Variants in PLB1 observed in about 807,000 individuals in gnomAD.
PLB1 encodes phospholipase B1.
In PLB1, 242 loss-of-function variants were observed where a neutral mutation model predicts 227.4. The observed-to-expected ratio is 1.06, with a 90% CI of 0.96 to 1.18. PLB1 has a LOEUF of 1.18. Among genes scored for constraint, PLB1 ranks in the 50% most tolerant of loss-of-function variants. PLB1 has a pLI of 0.00. For synonymous variants in PLB1, 757 were observed against 682.2 expected (o/e 1.11, Z -1.71); for missense variants, 1,858 against 1,816.3 (o/e 1.02, Z -0.42).
intron 33 of PLB1, chr2:28,595,021 G>A (rs1052780342): frequency 1.3e-5 from 2 of 152,182 alleles, no homozygotes; most frequent in Admixed American, 6.5e-5. Flanking sequence ...CCACATTGCA[G>A]GTGATAGATA....
chr2:28,583,440 T>C (rs556559830), intron 25 of PLB1, among the ~76,000 whole-genome samples: 22 of 149,070 alleles, frequency 1.5e-4, no homozygotes, highest in African/African-American at 5.5e-4. Context: ...CTCCTCGGCC[T>C]CCCAAAGTGC....
intron 32 of PLB1, 177 bp downstream of exon 32, chr2:28,592,896 T>C: frequency 1.7e-6 from 1 of 600,584 alleles, no homozygotes; most frequent in Non-Finnish European, 2.9e-6. Flanking sequence ...CAAACGGATA[T>C]GCAGAGGAAA....
rs1337296521 is a variant in PLB1 at position 28,625,074 on chromosome 2, C to T, written c.3545C>T (p.Ala1182Val). The T allele has an allele frequency of 6.2e-7, 1 of 1,613,802 alleles. No individual in the cohort carries two copies. The highest frequency in any genetic ancestry group is 1.1e-5 in the South Asian group (1 of 91,010). ...GARARDMPAQ[A>V]WDLVERMKNS... Reference sequence around the variant, plus strand: ...CCACCTAGGGACATGCCAGCCCAGGCCTGGGACCTGGTAGAGCGAATGAAA... The same window carrying T: ...CCACCTAGGGACATGCCAGCCCAGGTCTGGGACCTGGTAGAGCGAATGAAA... The change falls in exon 50 of 58, where the codon GCC becomes GTC. Residue 1182 changes from alanine to valine, a missense_variant. By Grantham distance (64) the Ala-to-Val change is moderately conservative (BLOSUM62 0). Transcript: ENST00000327757.
rs1048175353 is a variant in PLB1 at position 28,582,491 on chromosome 2, A to G, written c.1719A>G (p.Pro573=). ...ELYQEKKVYC[P]RMILRSLCPC... is the part of the protein sequence containing the mutation. ...ACCAGGAGAAAAAAGTCTACTGCCCAAGGATGATCCTCAGGTCAGACAGAT... is the reference window on the plus strand; with the variant it reads ...ACCAGGAGAAAAAAGTCTACTGCCCGAGGATGATCCTCAGGTCAGACAGAT... The change falls in exon 25 of 58, where the codon CCA becomes CCG. Residue 573 remains proline (P), a synonymous_variant. Transcript: ENST00000327757. The G allele has an allele frequency of 1.2e-6, 2 of 1,607,960 alleles. No homozygotes were observed. The highest frequency in any genetic ancestry group is 1.7e-6 in the Non-Finnish European group (2 of 1,176,588).
At chr2:28,529,687 A>C (rs1670753507) in intron 7 of PLB1, 41 bp from the exon 8 acceptor site, 1 of 1,598,430 alleles carries the variant, frequency 6.3e-7, no homozygotes, top group African/African-American at 1.3e-5. Flanking sequence ...TAACAAAATA[A>C]TATTTAGCCA....
chr2:28,631,489 C>T (rs1363604505), intron 54 of PLB1, among the ~76,000 whole-genome samples: 2 of 152,186 alleles, frequency 1.3e-5, no homozygotes, highest in East Asian at 3.8e-4. Context: ...CTCATTTTTC[C>T]AGATGGATGA....
At chr2:28,510,912 G>A (rs1175229922) in intron 1 of PLB1, among the ~76,000 whole-genome samples, 1 of 151,988 alleles carries the variant, frequency 6.6e-6, no homozygotes, top group East Asian at 1.9e-4. Context: ...ACAAGCATGA[G>A]CCACTGTGCC....
At chr2:28,612,198 G>A (rs1685550172) in intron 43 of PLB1, among the ~76,000 whole-genome samples, 1 of 152,206 alleles carries the variant, frequency 6.6e-6, no homozygotes, top group Non-Finnish European at 1.5e-5. Context: ...AGACAGGAAT[G>A]CTGAGACCAG....
At position 28,529,767 on chromosome 2, in the gene PLB1, GAAAGA is replaced by G. The variant is rs1440426971; in HGVS notation, c.457_461del (p.Lys153GlufsTer5). On this transcript the variant is annotated frameshift_variant, in exon 8 of 58. Coordinates refer to ENST00000327757, the MANE Select transcript of PLB1 (RefSeq NM_153021.5). LOFTEE classifies it high-confidence loss of function. ...AGGCTCAAGAACTGGTGAGAAACAT[GAAAGA>G]GAACCTGGTAAGCATCCGTCCAACT... The G allele has an allele frequency of 1.2e-6, 2 of 1,613,990 alleles. No homozygotes were observed. Among genetic ancestry groups the G allele is most frequent in the African/African-American group, 2.7e-5 (2 of 74,930 alleles).
intron 11 of PLB1, among the ~76,000 whole-genome samples, chr2:28,539,795 G>A (rs1025027872): frequency 6.6e-6 from 1 of 151,988 alleles, no homozygotes; most frequent in African/African-American, 2.4e-5. Context: ...TGGGATGTGG[G>A]TGTCTGGTGT....
At position 28,600,683 on chromosome 2, in the gene PLB1, GCC is replaced by G. The variant is rs1683727699; in HGVS notation, c.2475-125_2475-124del. 3.6e-6 allele frequency: 3 copies of G among 828,262 alleles called. No homozygotes were observed. In the South Asian group the frequency reaches 4.7e-5, roughly 13 times the overall value. 51.3% of individuals were successfully genotyped at this position (828,262 alleles called of 1,614,324 possible). On this transcript the variant is annotated intron_variant, in intron 35 of 57. Transcript: ENST00000327757. Reference sequence around the variant, plus strand: ...GAGGCAAGTCACTCCTGGTTTCTGAGCCTCGGGATCTCTGCCAGCTCATGCAG... The same window carrying G: ...GAGGCAAGTCACTCCTGGTTTCTGAGTCGGGATCTCTGCCAGCTCATGCAG...
intron 23 of PLB1, among the ~76,000 whole-genome samples, chr2:28,581,482 C>CCAA (rs1553439222): frequency 1.7e-5 from 1 of 58,270 alleles, no homozygotes; most frequent in African/African-American, 8.8e-5. Flanking sequence ...GAGCTCCACG[C>CCAA]AAAAAAATAA....
chr2:28,569,713 C>T (rs1233681130), intron 20 of PLB1, among the ~76,000 whole-genome samples: 2 of 152,016 alleles, frequency 1.3e-5, no homozygotes, highest in East Asian at 1.9e-4. Flanking sequence ...CGCCTGTAAT[C>T]CCAGCACTTT....
chr2:28,608,620 G>A (rs936149723), intron 43 of PLB1, among the ~76,000 whole-genome samples: 4 of 152,202 alleles, frequency 2.6e-5, no homozygotes, highest in Non-Finnish European at 5.9e-5. Context: ...TCTGTGGACT[G>A]AGCCTATACT....
rs747477466 is a variant in PLB1 at position 28,529,417 on chromosome 2, C to T, written c.416+10C>T. 1.3e-5 allele frequency: 21 copies of T among 1,571,220 alleles called. No homozygotes were observed. In the East Asian group the frequency reaches 3.8e-4, roughly 28 times the overall value. ...CCCACGATGGTGCTGAGTAAGTTCC[C>T]TTTCTGTCTCTCTCTGAGGTTATGT... On this transcript the variant is annotated intron_variant, in intron 7 of 57. Transcript: ENST00000327757.
chr2:28,572,504 C>G (rs369609556), intron 20 of PLB1, among the ~76,000 whole-genome samples: 1 of 152,148 alleles, frequency 6.6e-6, no homozygotes, highest in Non-Finnish European at 1.5e-5. Flanking sequence ...AACTCCAAAG[C>G]CCCATCAACT....
At chr2:28,520,424 T>A (rs1421720396) in intron 4 of PLB1, among the ~76,000 whole-genome samples, 1 of 152,194 alleles carries the variant, frequency 6.6e-6, no homozygotes, top group Non-Finnish European at 1.5e-5. Flanking sequence ...AACACACCGA[T>A]CTTTGTAAAT....
chr2:28,636,857 C>T (rs933332437), intron 56 of PLB1, among the ~76,000 whole-genome samples: 2 of 151,994 alleles, frequency 1.3e-5, no homozygotes, highest in African/African-American at 2.4e-5. Flanking sequence ...GATGAATAGT[C>T]CTGGAAGAAG....
At chr2:28,536,689 A>G (rs914498328) in intron 9 of PLB1, among the ~76,000 whole-genome samples, 7 of 152,322 alleles carry the variant, frequency 4.6e-5, no homozygotes, top group African/African-American at 1.7e-4. Flanking sequence ...GAAATGTACA[A>G]GTTCATTTGA....
Sources: allele counts gnomAD v4.1 joint callset (sites outside exome capture counted in the v4.1 genomes callset), GRCh38; gene constraint gnomAD v4.1.1; transcripts MANE v1.5; gene names NCBI Gene and HGNC (gene_info 2026-07-23, HGNC 2026-07-21).